The following FGF13 variants were observed in gnomAD, a reference collection of about 807,000 sequenced individuals.
FGF13 encodes fibroblast growth factor 13.
In FGF13, 2 loss-of-function variants were observed where a neutral mutation model predicts 19.5. The observed-to-expected ratio is 0.10, with a 90% CI of 0.04 to 0.32. The LOEUF (loss-of-function observed/expected upper bound fraction) is 0.32, where lower values mean the gene tolerates loss of function less well. Among genes scored for constraint, FGF13 ranks in the 10% least tolerant of loss-of-function variants. The pLI is 1.00. For synonymous variants in FGF13, 72 were observed against 76.9 expected, an observed-to-expected ratio of 0.94 and a Z score of 0.33; for missense variants, 113 against 192.7, an observed-to-expected ratio of 0.59 and a Z score of 2.45.
intron 1 of FGF13, among the ~76,000 whole-genome samples, chrX:139,005,161 C>T (rs2092095062): frequency 9.9e-6 from 1 of 101,019 alleles, no homozygotes. Context: ...GAGAAGCCCA[C>T]TGGCGTTGAC....
chrX:139,088,858 G>C (rs1352995247), intron 1 of FGF13, among the ~76,000 whole-genome samples: 1 of 111,723 alleles, frequency 9.0e-6, no homozygotes, highest in Non-Finnish European at 1.9e-5. Context: ...GAGGTTGGAG[G>C]CCTTATGAAC....
intron 1 of FGF13, among the ~76,000 whole-genome samples, chrX:139,036,414 T>C (rs1262272023): frequency 3.6e-5 from 4 of 111,644 alleles, no homozygotes; most frequent in Non-Finnish European, 7.5e-5. Flanking sequence ...CTGCAGAATG[T>C]CCACCATTAT....
chrX:138,777,166 T>C (rs1474379909), intron 3 of FGF13, among the ~76,000 whole-genome samples: 1 of 110,979 alleles, frequency 9.0e-6, no homozygotes. Context: ...TCTCACAATA[T>C]CAGGTGAACC....
intron 3 of FGF13, among the ~76,000 whole-genome samples, chrX:138,787,243 G>A (rs1303819414): frequency 8.9e-6 from 1 of 112,715 alleles, no homozygotes; most frequent in Non-Finnish European, 1.9e-5. Flanking sequence ...GAAGCATCAG[G>A]GAAGTATTGG....
intron 1 of FGF13, among the ~76,000 whole-genome samples, chrX:139,184,014 T>C (rs1173617314): frequency 8.9e-6 from 1 of 112,122 alleles, no homozygotes; most frequent in Non-Finnish European, 1.9e-5. Flanking sequence ...GAACCTATGT[T>C]CCTGAGAGGT....
chrX:138,998,344 A>G (rs1302538362), intron 1 of FGF13, among the ~76,000 whole-genome samples: 1 of 111,561 alleles, frequency 9.0e-6, no homozygotes, highest in Admixed American at 9.6e-5. Flanking sequence ...TATTAACTTG[A>G]AATGTCCCAA....
At chrX:139,118,330 G>A (rs537419004) in intron 1 of FGF13, among the ~76,000 whole-genome samples, 4 of 111,921 alleles carry the variant, frequency 3.6e-5, no homozygotes, top group Non-Finnish European at 7.5e-5. Flanking sequence ...GGTTTATGCA[G>A]ACGTAACCTC....
At position 138,662,144 on chromosome X, in the gene FGF13, G is replaced by A. The variant is rs1174840412; in HGVS notation, c.403-26489C>T. On this transcript the variant is annotated intron_variant, in intron 3 of 4. Transcript: ENST00000315930. ...TAACAAAATCCACATTAGTAAAGTC[G>A]AAATTCCTGAAGCCCTAATGATGTT... is the stretch of plus-strand genomic sequence containing the variant. Among the ~76,000 whole-genome samples, 5 of 111,573 alleles carry A rather than the reference G, an allele frequency of 4.5e-5. No homozygotes were observed. In the Middle Eastern group the frequency reaches 0.014, roughly 310 times the overall value.
intron 3 of FGF13, among the ~76,000 whole-genome samples, chrX:138,656,259 A>G (rs1257821408): frequency 8.9e-6 from 1 of 111,866 alleles, no homozygotes; most frequent in Admixed American, 9.5e-5. Flanking sequence ...CAGTCATTTT[A>G]GCCTAAGGGC....
At chrX:139,176,255 T>C (rs1232908016) in intron 1 of FGF13, among the ~76,000 whole-genome samples, 3 of 111,786 alleles carry the variant, frequency 2.7e-5, no homozygotes, top group African/African-American at 9.8e-5. Flanking sequence ...ATATCCCGTT[T>C]ATCATTTTTT....
At chrX:138,670,617 G>A (rs1294311772) in intron 3 of FGF13, among the ~76,000 whole-genome samples, 1 of 111,701 alleles carries the variant, frequency 9.0e-6, no homozygotes, top group Non-Finnish European at 1.9e-5. Context: ...CAATCAAGTA[G>A]ATATATGTGT....
chrX:139,132,980 T>G lies in FGF13; in HGVS notation c.-113+70436A>C, dbSNP rs564409645. 3.6e-5 allele frequency among the ~76,000 whole-genome samples: 4 copies of G among 111,575 alleles called. No homozygotes were observed. The South Asian group carries it at 1.5e-3, about 42-fold the overall frequency. On this transcript the variant is annotated intron_variant, in intron 1 of 2. Transcript: ENST00000421460. Reference sequence around the variant, plus strand: ...TAATTGACCAGCACTTTCCAATGTATATCCACTGGGTATTGATGGAGAGTA... The same window carrying G: ...TAATTGACCAGCACTTTCCAATGTAGATCCACTGGGTATTGATGGAGAGTA...
chrX:139,183,448 T>C (rs1054969925), intron 1 of FGF13, among the ~76,000 whole-genome samples: 1 of 111,682 alleles, frequency 9.0e-6, no homozygotes, highest in African/African-American at 3.3e-5. Context: ...TGGGAGGTGT[T>C]TGGGTCATGT....
At chrX:138,885,085 T>C (rs2091445289) in intron 1 of FGF13, among the ~76,000 whole-genome samples, 1 of 112,223 alleles carries the variant, frequency 8.9e-6, no homozygotes. Flanking sequence ...CATATTAGCT[T>C]CTAAAATTAT....
At chrX:138,951,313 C>T (rs1398015849) in intron 1 of FGF13, among the ~76,000 whole-genome samples, 1 of 111,667 alleles carries the variant, frequency 9.0e-6, no homozygotes, top group Admixed American at 9.6e-5. Flanking sequence ...AAAATGTAGG[C>T]TCTCGAAGAA....
chrX:139,151,882 C>T (rs1195402546), intron 1 of FGF13, among the ~76,000 whole-genome samples: 1 of 111,693 alleles, frequency 9.0e-6, no homozygotes, highest in Non-Finnish European at 1.9e-5. Context: ...TTATACTTAT[C>T]CTTGTTCTAT....
At chrX:138,764,658 T>C (rs1197765544) in intron 3 of FGF13, among the ~76,000 whole-genome samples, 1 of 112,609 alleles carries the variant, frequency 8.9e-6, no homozygotes, top group Non-Finnish European at 1.9e-5. Flanking sequence ...TTTTATAGTC[T>C]ATGGCTGTTT....
intron 1 of FGF13, among the ~76,000 whole-genome samples, chrX:138,978,875 C>T (rs1385433296): frequency 9.0e-6 from 1 of 111,513 alleles, no homozygotes; most frequent in Non-Finnish European, 1.9e-5. Context: ...TACTTTGAGA[C>T]CTTACAACTA....
At chrX:138,880,220 T>C (rs2091415463) in intron 1 of FGF13, among the ~76,000 whole-genome samples, 2 of 112,205 alleles carry the variant, frequency 1.8e-5, no homozygotes, top group Non-Finnish European at 3.8e-5. Context: ...GGAACGCTTT[T>C]ACACTGTTGA....
Sources: gnomAD v4.1 joint callset for allele counts (sites outside exome capture counted in the v4.1 genomes callset) on GRCh38, gnomAD v4.1.1 for gene constraint, MANE v1.5 for transcripts, NCBI Gene and HGNC (gene_info 2026-07-23, HGNC 2026-07-21) for gene names.